VSTM4: variants seen among roughly 807,000 people sequenced by gnomAD.
VSTM4 encodes V-set and transmembrane domain-containing protein 4.
In VSTM4, 20 loss-of-function variants were observed where a neutral mutation model predicts 36.4. The ratio of observed to expected loss-of-function variants is 0.55; its 90% CI spans 0.39 to 0.80. The LOEUF (loss-of-function observed/expected upper bound fraction) is 0.80. Ranked by LOEUF, VSTM4 falls within the 30% of genes least tolerant of loss-of-function variation. The pLI, the probability that VSTM4 is intolerant of heterozygous loss-of-function variation, is 0.00. For missense variants in VSTM4, 392 were observed against 404.5 expected (o/e 0.97, Z 0.26); for synonymous variants, 182 against 173.9 (o/e 1.05, Z -0.37).
intron 1 of VSTM4, among the ~76,000 whole-genome samples, chr10:49,108,653 C>T (rs898180072): frequency 6.6e-6 from 1 of 152,172 alleles, no homozygotes; most frequent in African/African-American, 2.4e-5. Context: ...AGTTGAAGAG[C>T]AAGAATAAAG....
Position 49,016,226 on chromosome 10 carries a change from G to A in VSTM4, c.*3424C>T, listed in dbSNP as rs1843103502. ...AACCTGACTGGCTTGACCAAAACCA[G>A]GATTTAAACAGCAGAGTAATTAGAG... is the stretch of plus-strand genomic sequence containing the variant. On this transcript the variant is annotated 3_prime_UTR_variant, in exon 8 of 8. Transcript: ENST00000332853. 1 of 152,194 alleles carries A rather than the reference G, an allele frequency of 6.6e-6. No individual in the cohort carries two copies. Among genetic ancestry groups the A allele is most frequent in the Non-Finnish European group, 1.5e-5 (1 of 68,058 alleles). 9.4% of individuals were successfully genotyped at this position (152,194 alleles called of 1,614,324 possible).
intron 4 of VSTM4, among the ~76,000 whole-genome samples, chr10:49,076,865 G>A (rs552537713): frequency 6.6e-6 from 1 of 152,216 alleles, no homozygotes; most frequent in East Asian, 1.9e-4. Context: ...CATAAATGAG[G>A]AAACCCATGT....
At chr10:49,078,556 C>A (rs1844222171) in intron 3 of VSTM4, among the ~76,000 whole-genome samples, 1 of 150,934 alleles carries the variant, frequency 6.6e-6, no homozygotes, top group South Asian at 2.1e-4. Context: ...AGGTTACATT[C>A]TTGATATGAC....
chr10:49,063,606 T>C (rs1353957158), intron 5 of VSTM4, among the ~76,000 whole-genome samples: 1 of 152,208 alleles, frequency 6.6e-6, no homozygotes, highest in Non-Finnish European at 1.5e-5. Context: ...TTTCAGAGAC[T>C]TTACAGTATT....
chr10:49,069,548 G>C (rs945178061), intron 4 of VSTM4, among the ~76,000 whole-genome samples: 3 of 152,298 alleles, frequency 2.0e-5, no homozygotes, highest in African/African-American at 7.2e-5. Flanking sequence ...CACAGCCCCT[G>C]CCTGCATTTA....
chr10:49,046,197 T>C (rs957095253), intron 7 of VSTM4, among the ~76,000 whole-genome samples: 2 of 152,188 alleles, frequency 1.3e-5, no homozygotes, highest in African/African-American at 2.4e-5. Context: ...AGTATCTTTA[T>C]AGCAGTGTGA....
At chr10:49,027,670 A>C (rs2254731) in intron 7 of VSTM4, among the ~76,000 whole-genome samples, 144,386 of 152,280 alleles carry the variant, frequency 0.95, 68,932 homozygotes, top group East Asian at 1. Context: ...GTCTCTTAGA[A>C]AAGGTGATGT....
chr10:49,081,172 T>C (rs1844271755), intron 3 of VSTM4, among the ~76,000 whole-genome samples: 1 of 152,156 alleles, frequency 6.6e-6, no homozygotes, highest in African/African-American at 2.4e-5. Flanking sequence ...CCTTTCCACA[T>C]TGGTCAGCAA....
chr10:49,019,806 T>C, intron 7 of VSTM4, 31 bp from the exon 8 acceptor site: 2 of 1,601,484 alleles, frequency 1.2e-6, no homozygotes, highest in Non-Finnish European at 1.7e-6. Flanking sequence ...CAAAACACAA[T>C]TCTAGCTGAC....
intron 4 of VSTM4, among the ~76,000 whole-genome samples, chr10:49,066,718 T>C (rs1843980095): frequency 6.6e-6 from 1 of 152,188 alleles, no homozygotes. Flanking sequence ...ATTTATGATA[T>C]GTTTATGTCA....
chr10:49,107,910 G>A lies in VSTM4; in HGVS notation c.141C>T (p.His47=), dbSNP rs1413897826. The stretch of plus-strand genomic sequence containing the variant: ...TGTCCTTCCGCCTTTTCTGGGAGAC[G>A]TGGCAGAGGAGAGTGGCATTCTCCC... The part of the protein sequence containing the change: ...LEGENATLLC[H]VSQKRRKDSL... The change falls in exon 2 of 8, where the codon CAC becomes CAT. Residue 47 remains histidine (H), a synonymous_variant. Transcript: ENST00000332853. 1.2e-5 allele frequency: 20 copies of A among 1,613,854 alleles called. No individual in the cohort carries two copies. Among genetic ancestry groups the A allele is most frequent in the South Asian group, 2.2e-5 (2 of 91,040 alleles).
intron 2 of VSTM4, among the ~76,000 whole-genome samples, chr10:49,095,837 C>A (rs537696973): frequency 5.1e-4 from 77 of 152,256 alleles, no homozygotes; most frequent in Non-Finnish European, 9.8e-4. Context: ...GGCTGGGGCC[C>A]CAGGAGGGCA....
At chr10:49,067,438 G>A (rs2131980968) in intron 4 of VSTM4, among the ~76,000 whole-genome samples, 1 of 152,354 alleles carries the variant, frequency 6.6e-6, no homozygotes, top group Non-Finnish European at 1.5e-5. Flanking sequence ...CTAATCCTCA[G>A]TACTTCAGAA....
At chr10:49,114,887 G>A (rs1844962804) in intron 1 of VSTM4, among the ~76,000 whole-genome samples, 1 of 152,098 alleles carries the variant, frequency 6.6e-6, no homozygotes, top group South Asian at 2.1e-4. Context: ...GAGAGGCGTC[G>A]CTGCATCCAG....
intron 2 of VSTM4, among the ~76,000 whole-genome samples, chr10:49,087,972 T>C (rs781067574): frequency 3.0e-5 from 4 of 132,056 alleles, no homozygotes; most frequent in African/African-American, 1.2e-4. Context: ...TGTGTATATA[T>C]ACATATGTAA....
intron 6 of VSTM4, among the ~76,000 whole-genome samples, chr10:49,047,269 TG>T (rs1484967973): frequency 6.6e-6 from 1 of 151,902 alleles, no homozygotes; most frequent in Non-Finnish European, 1.5e-5. Flanking sequence ...AAAACAACTC[TG>T]CATAAAACTC....
chr10:49,086,650 G>A (rs1332527769), intron 2 of VSTM4, among the ~76,000 whole-genome samples: 5 of 152,120 alleles, frequency 3.3e-5, no homozygotes, highest in African/African-American at 9.7e-5. Flanking sequence ...CCATGTACAG[G>A]GGTAACATCA....
chr10:49,057,743 G>C (rs577990355), intron 5 of VSTM4, among the ~76,000 whole-genome samples: 3 of 152,150 alleles, frequency 2.0e-5, no homozygotes, highest in Non-Finnish European at 4.4e-5. Context: ...CCGTCCCTGC[G>C]TCTACTGCCC....
intron 7 of VSTM4, among the ~76,000 whole-genome samples, chr10:49,041,602 C>CA (rs1843522856): frequency 6.6e-6 from 1 of 151,970 alleles, no homozygotes; most frequent in Non-Finnish European, 1.5e-5. Flanking sequence ...TTTTTAGTTG[C>CA]AAAAAAATGC....
Sources: allele counts gnomAD v4.1 joint callset (sites outside exome capture counted in the v4.1 genomes callset), GRCh38; gene constraint gnomAD v4.1.1; transcripts MANE v1.5; gene names NCBI Gene and HGNC (gene_info 2026-07-23, HGNC 2026-07-21).